Variants in MYO1D observed in about 807,000 individuals in gnomAD.
MYO1D encodes unconventional myosin-Id.
MYO1D carries 83 observed loss-of-function variants against 122.0 expected under a neutral mutation model. That is an observed-to-expected ratio of 0.68 (90% CI 0.57 to 0.82). The LOEUF (loss-of-function observed/expected upper bound fraction) is 0.82. MYO1D is among the 40% of genes least tolerant of loss of function. The pLI is 0.00. For synonymous variants in MYO1D, 464 were observed against 446.9 expected (o/e 1.04, Z -0.48); for missense variants, 1,157 against 1,269.5 (o/e 0.91, Z 1.35).
In MYO1D at chr17:32,780,566, C is replaced by G; in HGVS notation, c.304+10G>C. On this transcript the variant is annotated intron_variant, in intron 2 of 21. Coordinates refer to ENST00000318217, the MANE Select transcript of MYO1D (RefSeq NM_015194.3). Reference sequence around the variant, plus strand: ...TGACTTTGGAAATACAGGGGATCCCCTCCAATTACCTGATATCACAATACA... The same window carrying G: ...TGACTTTGGAAATACAGGGGATCCCGTCCAATTACCTGATATCACAATACA... 1 of 1,612,594 alleles carries G rather than the reference C, an allele frequency of 6.2e-7. No individual in the cohort carries two copies. The highest frequency in any genetic ancestry group is 8.5e-7 in the Non-Finnish European group (1 of 1,179,334).
chr17:32,762,050 T>C (rs994049555), intron 8 of MYO1D, among the ~76,000 whole-genome samples: 3 of 151,922 alleles, frequency 2.0e-5, no homozygotes, highest in Non-Finnish European at 1.5e-5. Context: ...GAGAGGTACA[T>C]GGGGTCTTAG....
intron 21 of MYO1D, chr17:32,505,082 G>A (rs912074401): frequency 6.6e-6 from 1 of 152,356 alleles, no homozygotes; most frequent in African/African-American, 2.4e-5. Context: ...CCCCAGCACA[G>A]GGGCAGACTG....
At chr17:32,728,174 C>A (rs1019105407) in intron 14 of MYO1D, among the ~76,000 whole-genome samples, 1 of 151,406 alleles carries the variant, frequency 6.6e-6, no homozygotes, top group Admixed American at 6.6e-5. Flanking sequence ...TATTAGCAAA[C>A]TTGACCTAAT....
intron 1 of MYO1D, among the ~76,000 whole-genome samples, chr17:32,847,111 A>G (rs900943370): frequency 6.6e-6 from 1 of 152,222 alleles, no homozygotes; most frequent in Non-Finnish European, 1.5e-5. Flanking sequence ...ACTATACCTG[A>G]ATTTAGTAAT....
rs5819986 is a variant in MYO1D, at chr17:32,539,276, T to TACACACACACACAC, written c.2865-44375_2865-44362dup. Among the ~76,000 whole-genome samples, 32 of 133,516 alleles carry TACACACACACACAC rather than the reference T, an allele frequency of 2.4e-4. No individual in the cohort carries two copies. The East Asian group carries it at 4.0e-3, about 17-fold the overall frequency. The allele number at this position is 133,516 out of a possible 152,430, so 87.6% of individuals were successfully genotyped here. On this transcript the variant is annotated intron_variant, in intron 21 of 21. Coordinates refer to ENST00000318217, the MANE Select transcript of MYO1D (RefSeq NM_015194.3). ...AGGTGACGTAGGAAGACCCTGTCTCTACACACACACACACACACACACACA... is the reference window on the plus strand; with the variant it reads ...AGGTGACGTAGGAAGACCCTGTCTCTACACACACACACACACACACACACACACACACACACACA...
chr17:32,859,541 G>A (rs1437877543), intron 1 of MYO1D, among the ~76,000 whole-genome samples: 1 of 152,176 alleles, frequency 6.6e-6, no homozygotes. Context: ...TTCTTCAGGA[G>A]GAAGAGAAGA....
At chr17:32,783,013 T>C (rs914608192) in intron 1 of MYO1D, among the ~76,000 whole-genome samples, 2 of 152,258 alleles carry the variant, frequency 1.3e-5, no homozygotes, top group East Asian at 1.9e-4. Flanking sequence ...ATAACAACTG[T>C]TCAAAGACTC....
intron 16 of MYO1D, among the ~76,000 whole-genome samples, chr17:32,709,129 A>G (rs1419366485): frequency 1.3e-5 from 2 of 152,210 alleles, no homozygotes; most frequent in Non-Finnish European, 2.9e-5. Flanking sequence ...TAAAAAGAGG[A>G]ATCTACCGGG....
intron 15 of MYO1D, among the ~76,000 whole-genome samples, chr17:32,718,932 T>C (rs1347435345): frequency 6.6e-6 from 1 of 152,124 alleles, no homozygotes; most frequent in Admixed American, 6.5e-5. Flanking sequence ...TAAACTTCTT[T>C]CCAGAACTCC....
chr17:32,601,760 C>A (rs2087565259), intron 21 of MYO1D, among the ~76,000 whole-genome samples: 1 of 152,144 alleles, frequency 6.6e-6, no homozygotes, highest in Middle Eastern at 3.2e-3. Flanking sequence ...TTGCCATAAA[C>A]CTTCAATTTA....
intron 7 of MYO1D, among the ~76,000 whole-genome samples, 198 bp from the exon 8 acceptor site, chr17:32,765,279 T>C (rs1450829879): frequency 1.3e-5 from 2 of 152,178 alleles, no homozygotes; most frequent in African/African-American, 4.8e-5. Context: ...TTTCAGTGTA[T>C]GTTTTTGATA....
intron 16 of MYO1D, among the ~76,000 whole-genome samples, chr17:32,705,718 GCTGTGTCCCCACC>G (rs1372133717): frequency 6.6e-6 from 1 of 152,128 alleles, no homozygotes; most frequent in Non-Finnish European, 1.5e-5. Context: ...ATATGGTTTG[GCTGTGTCCCCACC>G]CAAATCTCAT....
At chr17:32,708,703 T>G (rs1454074949) in intron 16 of MYO1D, among the ~76,000 whole-genome samples, 2 of 152,204 alleles carry the variant, frequency 1.3e-5, no homozygotes, top group Non-Finnish European at 2.9e-5. Flanking sequence ...ATGGTCTTCT[T>G]GAGCATAGGG....
At chr17:32,575,883 G>T (rs1390110994) in intron 21 of MYO1D, among the ~76,000 whole-genome samples, 1 of 152,132 alleles carries the variant, frequency 6.6e-6, no homozygotes, top group East Asian at 1.9e-4. Flanking sequence ...AGAAAACATG[G>T]GCTTTTAAAA....
intron 21 of MYO1D, among the ~76,000 whole-genome samples, chr17:32,548,651 C>T (rs965946742): frequency 2.0e-5 from 3 of 151,668 alleles, no homozygotes; most frequent in African/African-American, 4.8e-5. Flanking sequence ...CATGGGACAC[C>T]AATGAGGGGA....
intron 21 of MYO1D, among the ~76,000 whole-genome samples, chr17:32,507,228 C>G (rs1322456935): frequency 6.7e-6 from 1 of 150,326 alleles, no homozygotes. Context: ...GAATGAGACC[C>G]TGTCTTTACA....
rs570886729 is a variant in MYO1D at position 32,543,798 on chromosome 17, TGC to T, written c.2865-48885_2865-48884del. On this transcript the variant is annotated intron_variant, in intron 21 of 21. Coordinates refer to ENST00000318217, the MANE Select transcript of MYO1D (RefSeq NM_015194.3). ...GCATATTAAAGCAATACTTAAATCT[TGC>T]TTTTTTTTTTGAGATGGAGTCTCGC... Among the ~76,000 whole-genome samples, 57 of 151,882 alleles carry T rather than the reference TGC, an allele frequency of 3.8e-4. No homozygotes were observed. The South Asian group carries it at 0.01, about 28-fold the overall frequency.
chr17:32,695,405 C>T (rs2089159655), intron 16 of MYO1D, among the ~76,000 whole-genome samples: 1 of 152,212 alleles, frequency 6.6e-6, no homozygotes, highest in South Asian at 2.1e-4. Flanking sequence ...ACCAGTCTGC[C>T]ACTTGGGGAT....
At chr17:32,755,782 T>C (rs1461711835) in intron 10 of MYO1D, 120 bp from the exon 11 acceptor site, 1 of 791,704 alleles carries the variant, frequency 1.3e-6, no homozygotes, top group East Asian at 2.7e-5. Context: ...AATGTGTGAA[T>C]AACATTAAAG....
Sources: gnomAD v4.1 joint callset for allele counts (sites outside exome capture counted in the v4.1 genomes callset) on GRCh38, gnomAD v4.1.1 for gene constraint, MANE v1.5 for transcripts, NCBI Gene and HGNC (gene_info 2026-07-23, HGNC 2026-07-21) for gene names.